PARP8: variants seen among roughly 807,000 people sequenced by gnomAD.
PARP8 encodes protein mono-ADP-ribosyltransferase PARP8.
Under a neutral mutation model 124.1 loss-of-function variants are expected in PARP8, and 51 were observed. The ratio of observed to expected loss-of-function variants is 0.41; its 90% confidence interval spans 0.33 to 0.52. The LOEUF (loss-of-function observed/expected upper bound fraction) is 0.52. Among genes scored for constraint, PARP8 ranks in the 20% least tolerant of loss-of-function variants. PARP8 has a pLI of 0.21. For synonymous variants in PARP8, 391 were observed against 361.5 expected (o/e 1.08, Z -0.93); for missense variants, 860 against 1,018.9 (o/e 0.84, Z 2.12).
At chr5:50,694,086 C>G (rs1200599764) in intron 2 of PARP8, among the ~76,000 whole-genome samples, 1 of 152,112 alleles carries the variant, frequency 6.6e-6, no homozygotes, top group African/African-American at 2.4e-5. Flanking sequence ...ATGTTTTAAA[C>G]AACTATTTGT....
chr5:50,697,702 G>T (rs891907282), intron 2 of PARP8, among the ~76,000 whole-genome samples: 6 of 152,128 alleles, frequency 3.9e-5, no homozygotes, highest in African/African-American at 1.4e-4. Context: ...TAGCGGCAGG[G>T]TCTTGCTTTG....
At chr5:50,804,249 T>C (rs1002256622) in intron 14 of PARP8, among the ~76,000 whole-genome samples, 2 of 152,170 alleles carry the variant, frequency 1.3e-5, no homozygotes, top group African/African-American at 4.8e-5. Context: ...GGTTTAGTAC[T>C]GGGTGAGTTC....
chr5:50,738,635 T>C (rs1757713221), intron 2 of PARP8, among the ~76,000 whole-genome samples: 2 of 151,806 alleles, frequency 1.3e-5, no homozygotes. Flanking sequence ...TGTCTAATCT[T>C]TTGGCTTCCC....
At chr5:50,688,010 C>A (rs923255930) in intron 2 of PARP8, among the ~76,000 whole-genome samples, 2 of 152,142 alleles carry the variant, frequency 1.3e-5, no homozygotes, top group Non-Finnish European at 2.9e-5. Flanking sequence ...TGCCACCATA[C>A]TGGCTGTGTT....
intron 3 of PARP8, among the ~76,000 whole-genome samples, chr5:50,754,204 T>C (rs1312582011): frequency 7.0e-6 from 1 of 142,890 alleles, no homozygotes; most frequent in Non-Finnish European, 1.5e-5. Flanking sequence ...TTATTATACT[T>C]TAAGTTCTAG....
At chr5:50,749,732 G>A (rs1214563641) in intron 2 of PARP8, among the ~76,000 whole-genome samples, 2 of 151,956 alleles carry the variant, frequency 1.3e-5, no homozygotes, top group Non-Finnish European at 2.9e-5. Flanking sequence ...ATATTTTGGG[G>A]AAACTATTAA....
intron 2 of PARP8, among the ~76,000 whole-genome samples, chr5:50,719,235 G>A (rs1384141858): frequency 6.6e-6 from 1 of 151,868 alleles, no homozygotes; most frequent in Non-Finnish European, 1.5e-5. Flanking sequence ...TGGGTAGTTT[G>A]CAAATATTTT....
At chr5:50,678,169 A>G (rs1309658100) in intron 2 of PARP8, among the ~76,000 whole-genome samples, 7 of 152,166 alleles carry the variant, frequency 4.6e-5, no homozygotes, top group Admixed American at 4.6e-4. Context: ...TACTATTACA[A>G]AAATTATTAA....
intron 7 of PARP8, among the ~76,000 whole-genome samples, chr5:50,763,980 C>T (rs533363059): frequency 1.8e-4 from 28 of 152,256 alleles, no homozygotes; most frequent in Middle Eastern, 3.4e-3. Flanking sequence ...GTCATATTCC[C>T]GCTTCACGTT....
chr5:50,821,368 A>G (rs1745748022), intron 16 of PARP8, 30 bp downstream of exon 16: 1 of 1,612,156 alleles, frequency 6.2e-7, no homozygotes, highest in Non-Finnish European at 8.5e-7. Flanking sequence ...CACCAATCAC[A>G]AAGTTTTCTT....
chr5:50,788,201 AATAT>A (rs200583021), intron 9 of PARP8, among the ~76,000 whole-genome samples: 1 of 147,302 alleles, frequency 6.8e-6, no homozygotes, highest in African/African-American at 2.5e-5. Flanking sequence ...ATTAATGTAT[AATAT>A]ATATTATTAT....
intron 2 of PARP8, among the ~76,000 whole-genome samples, chr5:50,707,786 C>T (rs1754313236): frequency 6.6e-6 from 1 of 152,002 alleles, no homozygotes; most frequent in Non-Finnish European, 1.5e-5. Flanking sequence ...ATTACAAAAC[C>T]AAACAGTACT....
chr5:50,712,217 AC>A (rs1446573129), intron 2 of PARP8, among the ~76,000 whole-genome samples: 1 of 152,176 alleles, frequency 6.6e-6, no homozygotes, highest in Non-Finnish European at 1.5e-5. Flanking sequence ...GCTGTTGGTT[AC>A]CATTTTGTAG....
chr5:50,682,883 T>C (rs1751446007), intron 2 of PARP8, among the ~76,000 whole-genome samples: 2 of 152,164 alleles, frequency 1.3e-5, no homozygotes, highest in South Asian at 4.1e-4. Context: ...ATTAACGTTT[T>C]TTCCCCCCTT....
At chr5:50,742,629 C>A (rs1254898663) in intron 2 of PARP8, among the ~76,000 whole-genome samples, 2 of 152,098 alleles carry the variant, frequency 1.3e-5, no homozygotes, top group Non-Finnish European at 2.9e-5. Context: ...TGAAAATTTG[C>A]AAAAACAACT....
chr5:50,706,367 A>G (rs1754149927), intron 2 of PARP8, among the ~76,000 whole-genome samples: 1 of 151,874 alleles, frequency 6.6e-6, no homozygotes, highest in Admixed American at 6.6e-5. Flanking sequence ...GGTTTTTGGG[A>G]TGTAGAAGTT....
chr5:50,723,273 T>A (rs761554637), intron 2 of PARP8, among the ~76,000 whole-genome samples: 1 of 152,112 alleles, frequency 6.6e-6, no homozygotes, highest in Non-Finnish European at 1.5e-5. Flanking sequence ...TGAAGTCCTG[T>A]CTTTCTTAGG....
At chr5:50,837,864 A>T (rs1422568059) in intron 25 of PARP8, among the ~76,000 whole-genome samples, 1 of 152,134 alleles carries the variant, frequency 6.6e-6, no homozygotes, top group East Asian at 1.9e-4. Flanking sequence ...AAGAAACTTA[A>T]TTAAATATAA....
At chr5:50,791,208 A>T (rs1197121443) in intron 10 of PARP8, among the ~76,000 whole-genome samples, 3 of 152,212 alleles carry the variant, frequency 2.0e-5, no homozygotes, top group Non-Finnish European at 4.4e-5. Context: ...TTTTATCAAC[A>T]ATAGCAACAG....
Sources: allele counts gnomAD v4.1 joint callset (sites outside exome capture counted in the v4.1 genomes callset), GRCh38; gene constraint gnomAD v4.1.1; transcripts MANE v1.5; gene names NCBI Gene and HGNC (gene_info 2026-07-23, HGNC 2026-07-21).